EGFR: variants seen among roughly 807,000 people sequenced by gnomAD.
EGFR encodes the protein epidermal growth factor receptor, also known as avian erythroblastic leukemia viral (v-erb-b) oncogene homolog.
A neutral mutation model predicts 143.0 loss-of-function variants in EGFR; 58 were observed. That is an observed-to-expected ratio of 0.41 (90% CI 0.33 to 0.50). The LOEUF (loss-of-function observed/expected upper bound fraction) is 0.50, where lower values mean the gene tolerates loss of function less well. EGFR is among the 20% of genes least tolerant of loss of function. The probability of loss-of-function intolerance (pLI) is 0.39; values close to 1 mark genes in which losing one functional copy is unlikely to be tolerated. For synonymous variants in EGFR, 613 were observed against 594.4 expected (o/e 1.03, Z -0.45); for missense variants, 1,307 against 1,579.0 (o/e 0.83, Z 2.92).
intron 1 of EGFR, 70 bp downstream of exon 1, chr7:55,019,435 C>T (rs906755112): frequency 3.9e-6 from 4 of 1,023,614 alleles, no homozygotes; most frequent in Admixed American, 4.6e-5. Flanking sequence ...CCCGCCCAAC[C>T]GCGCACCGGC....
chr7:55,069,532 G>A (rs962811008), intron 1 of EGFR, among the ~76,000 whole-genome samples: 161 of 152,302 alleles, frequency 1.1e-3, no homozygotes, highest in African/African-American at 3.8e-3. Flanking sequence ...TTCTTGCTCA[G>A]TCCTGGGAGC....
chr7:55,044,557 C>T (rs1788081633), intron 1 of EGFR, among the ~76,000 whole-genome samples: 1 of 152,280 alleles, frequency 6.6e-6, no homozygotes, highest in Middle Eastern at 3.4e-3. Flanking sequence ...TGTGGTGCTT[C>T]GAGCGAGTTA....
chr7:55,111,025 C>T (rs1299037176), intron 1 of EGFR, among the ~76,000 whole-genome samples: 1 of 152,152 alleles, frequency 6.6e-6, no homozygotes, highest in Non-Finnish European at 1.5e-5. Context: ...TGCTTTTTCC[C>T]CCCTTCCATT....
At chr7:55,201,490 A>G in intron 25 of EGFR, 135 bp downstream of exon 25, 1 of 1,348,770 alleles carries the variant, frequency 7.4e-7, no homozygotes, top group South Asian at 1.3e-5. Flanking sequence ...TAAAATCAAA[A>G]TCAAAATAAA....
At chr7:55,170,583 T>G in intron 15 of EGFR, 1 of 1,609,964 alleles carries the variant, frequency 6.2e-7, no homozygotes. Flanking sequence ...CCGCTTTTCC[T>G]TTCTGCCACC....
intron 1 of EGFR, among the ~76,000 whole-genome samples, chr7:55,098,226 T>C (rs1263328284): frequency 6.6e-6 from 1 of 152,148 alleles, no homozygotes; most frequent in Admixed American, 6.5e-5. Context: ...AGCTCACTGA[T>C]TTTTTCAAAA....
At chr7:55,161,189 G>A (rs531551974) in intron 12 of EGFR, among the ~76,000 whole-genome samples, 15 of 152,348 alleles carry the variant, frequency 9.8e-5, no homozygotes, top group Admixed American at 8.5e-4. Flanking sequence ...TGATGCCATT[G>A]CCAAAGGGGA....
chr7:55,200,681 T>C (rs2128970582), intron 24 of EGFR: 2 of 554,488 alleles, frequency 3.6e-6, no homozygotes, highest in Non-Finnish European at 6.5e-6. Context: ...AGCCAAAGCC[T>C]CAGCTGGGTC....
chr7:55,022,461 G>T (rs1240668965), intron 1 of EGFR, among the ~76,000 whole-genome samples: 1 of 152,164 alleles, frequency 6.6e-6, no homozygotes, highest in East Asian at 1.9e-4. Context: ...GCCCGGCCTG[G>T]CAATTGGGAC....
chr7:55,202,813 TTG>T, intron 27 of EGFR, 188 bp downstream of exon 27: 1 of 709,120 alleles, frequency 1.4e-6, no homozygotes. Flanking sequence ...CACAAGCTCT[TTG>T]TTGTGTCTGG....
chr7:55,103,988 G>A (rs562847229), intron 1 of EGFR, among the ~76,000 whole-genome samples: 6 of 152,306 alleles, frequency 3.9e-5, no homozygotes, highest in African/African-American at 1.2e-4. Flanking sequence ...CAGAAGGGTA[G>A]AAGTTCCTGT....
At chr7:55,123,951 T>C (rs369402290) in intron 1 of EGFR, among the ~76,000 whole-genome samples, 1 of 152,148 alleles carries the variant, frequency 6.6e-6, no homozygotes, top group East Asian at 1.9e-4. Flanking sequence ...ATTGTGTACA[T>C]GTATGTGTGT....
intron 15 of EGFR, chr7:55,168,711 A>G (rs1043673682): frequency 2.4e-6 from 2 of 837,616 alleles, no homozygotes; most frequent in African/African-American, 3.4e-5. Flanking sequence ...AGATGAGTAT[A>G]TAGTTTGATA....
At chr7:55,078,930 C>A (rs1439126951) in intron 1 of EGFR, among the ~76,000 whole-genome samples, 2 of 152,128 alleles carry the variant, frequency 1.3e-5, no homozygotes, top group African/African-American at 4.8e-5. Flanking sequence ...ACTCCCGGTG[C>A]CCGGGGCCCT....
At chr7:55,070,735 T>G (rs2128883673) in intron 1 of EGFR, among the ~76,000 whole-genome samples, 1 of 152,356 alleles carries the variant, frequency 6.6e-6, no homozygotes, top group Non-Finnish European at 1.5e-5. Context: ...TGCAAACATG[T>G]GCAAGAAGAA....
rs553691279 is a variant in EGFR, at chr7:55,138,164, G to C, written c.89-4122G>C. Among the ~76,000 whole-genome samples, 3 of 152,090 alleles carry C rather than the reference G, an allele frequency of 2.0e-5. No homozygotes were observed. The East Asian group carries it at 5.8e-4, about 29-fold the overall frequency. On this transcript the variant is annotated intron_variant, in intron 1 of 27. Transcript: ENST00000275493. ...AAAATGCTAACATAAGGATGTTTGC[G>C]GTACAATTCTTTCAGCTTTTCTATA...
intron 18 of EGFR, 127 bp from the exon 19 acceptor site, chr7:55,174,595 G>A (rs1562785034): frequency 7.2e-6 from 6 of 831,784 alleles, no homozygotes; most frequent in Admixed American, 3.7e-5. Flanking sequence ...CCTTAGGTGC[G>A]GCTCCACAGC....
chr7:55,037,087 C>T (rs1787627911), intron 1 of EGFR, among the ~76,000 whole-genome samples: 2 of 152,176 alleles, frequency 1.3e-5, no homozygotes, highest in African/African-American at 4.8e-5. Flanking sequence ...CATTCTGAGC[C>T]CTGATCCTTA....
rs758954817 is a variant in EGFR, at chr7:55,173,015, T to G, written c.1952T>G (p.Val651Gly). The stretch of plus-strand genomic sequence containing the variant: ...ATCCCGTCCATCGCCACTGGGATGG[T>G]GGGGGCCCTCCTCTTGCTGCTGGTG... Reference protein sequence around the residue: ...PKIPSIATGMVGALLLLLVVA... With the variant: ...PKIPSIATGMGGALLLLLVVA... Residue 651 changes from valine to glycine, a missense_variant, in exon 17 of 28, where the codon GTG becomes GGG. This residue lies in a region of EGFR where 348 missense variants were observed against 451.5 expected (regional missense o/e 0.77). Transcript: ENST00000275493. The G allele has an allele frequency of 8.7e-6, 14 of 1,613,966 alleles. No homozygotes were observed. In the South Asian group the frequency reaches 1.4e-4, roughly 16 times the overall value.
Sources: allele counts gnomAD v4.1 joint callset (sites outside exome capture counted in the v4.1 genomes callset), GRCh38; gene constraint gnomAD v4.1.1; regional missense constraint gnomAD v4.1.1; transcripts MANE v1.5; gene names NCBI Gene and HGNC (gene_info 2026-07-23, HGNC 2026-07-21).